RARA: variants seen among roughly 807,000 people sequenced by gnomAD.
RARA encodes retinoic acid receptor alpha, also known as PML-DDX5-RARA fusion.
RARA carries 5 observed loss-of-function variants against 42.8 expected under a neutral mutation model. The observed-to-expected ratio is 0.12, with a 90% confidence interval of 0.06 to 0.25. The LOEUF (loss-of-function observed/expected upper bound fraction) is 0.25. RARA is among the 10% of genes least tolerant of loss of function. The pLI, the probability that RARA is intolerant of heterozygous loss-of-function variation, is 1.00. For missense variants in RARA, 402 were observed against 628.7 expected (o/e 0.64, Z 3.86); for synonymous variants, 256 against 259.5 (o/e 0.99, Z 0.13).
intron 1 of RARA, among the ~76,000 whole-genome samples, chr17:40,314,723 G>A (rs1343595059): frequency 2.0e-5 from 3 of 152,062 alleles, no homozygotes; most frequent in African/African-American, 7.2e-5. Context: ...CACAGTCTTG[G>A]TGGTGACTAA....
At chr17:40,323,546 C>G (rs2033451141) in intron 1 of RARA, among the ~76,000 whole-genome samples, 1 of 152,022 alleles carries the variant, frequency 6.6e-6, no homozygotes, top group South Asian at 2.1e-4. Flanking sequence ...CCTGCACACA[C>G]AGCCTGCACC....
intron 1 of RARA, among the ~76,000 whole-genome samples, chr17:40,309,929 A>G (rs559844057): frequency 1.5e-4 from 23 of 152,042 alleles, no homozygotes; most frequent in Middle Eastern, 3.4e-3. Context: ...AAGCCCCCCG[A>G]CCCCACCTGT....
intron 2 of RARA, chr17:40,341,104 C>T (rs1029774201): frequency 2.5e-6 from 1 of 404,112 alleles, no homozygotes; most frequent in Non-Finnish European, 4.4e-6. Flanking sequence ...GGGGTATCCC[C>T]TCTTTCTAGG....
chr17:40,342,021 C>T (rs1486184905), intron 2 of RARA: 1 of 1,077,868 alleles, frequency 9.3e-7, no homozygotes, highest in South Asian at 4.4e-5. Flanking sequence ...CTCTCCCTCT[C>T]GGTTCCCTGC....
At chr17:40,341,740 AC>A (rs1017451419) in intron 2 of RARA, 5 of 1,282,964 alleles carry the variant, frequency 3.9e-6, no homozygotes, top group East Asian at 3.2e-5. Context: ...CACCGGGACC[AC>A]CCCCCTCTTC....
chr17:40,314,488 G>A (rs887514702), intron 1 of RARA, among the ~76,000 whole-genome samples: 2 of 151,850 alleles, frequency 1.3e-5, no homozygotes, highest in African/African-American at 4.8e-5. Context: ...GGTGAGTGAT[G>A]GGCAGGCTGC....
chr17:40,331,440 G>A (rs1420906444), intron 2 of RARA, 44 bp downstream of exon 2: 2 of 1,583,328 alleles, frequency 1.3e-6, no homozygotes, highest in African/African-American at 1.4e-5. Context: ...GACTGTGGAG[G>A]GTGGCAGGCC....
At chr17:40,314,448 GGA>G (rs1316992424) in intron 1 of RARA, among the ~76,000 whole-genome samples, 1 of 152,064 alleles carries the variant, frequency 6.6e-6, no homozygotes, top group Non-Finnish European at 1.5e-5. Context: ...TTGGGTGGCA[GGA>G]GGAGGTGGGG....
chr17:40,350,351 TG>T (rs893891597), intron 4 of RARA: 44 of 162,388 alleles, frequency 2.7e-4, no homozygotes, highest in Non-Finnish European at 4.3e-4. Context: ...TATGTGTGTA[TG>T]GGGGGGTGGA....
chr17:40,335,638 C>T (rs979371923), intron 2 of RARA, among the ~76,000 whole-genome samples: 12 of 150,906 alleles, frequency 8.0e-5, no homozygotes, highest in African/African-American at 2.9e-4. Flanking sequence ...TGCAGTAAAC[C>T]GAGATCATGC....
rs547773456 is a variant in RARA, at chr17:40,334,088, G to C, written c.178+2692G>C. ...TTGGAGGGTTGGAGGTGGGGGCTGG[G>C]GCCTGGCCCCATCCTTGCCCATCCT... On this transcript the variant is annotated intron_variant, in intron 2 of 8. Coordinates refer to ENST00000254066, the MANE Select transcript of RARA (RefSeq NM_000964.4). Among the ~76,000 whole-genome samples the C allele has an allele frequency of 1.9e-4, 29 of 152,296 alleles. 1 individual carries two copies. In the East Asian group the frequency reaches 4.8e-3, roughly 25 times the overall value.
intron 2 of RARA, chr17:40,341,537 T>C: frequency 6.9e-7 from 1 of 1,458,418 alleles, no homozygotes; most frequent in South Asian, 1.3e-5. Context: ...CCGGGGGAGG[T>C]GGCCCGGTTC....
chr17:40,335,568 T>A (rs1391943958), intron 2 of RARA, among the ~76,000 whole-genome samples: 1 of 152,090 alleles, frequency 6.6e-6, no homozygotes, highest in East Asian at 1.9e-4. Context: ...CACGTGTCTG[T>A]AATCCCAGCT....
intron 2 of RARA, chr17:40,342,581 A>C: frequency 7.2e-7 from 1 of 1,389,844 alleles, no homozygotes. Flanking sequence ...TGCCCGGGTC[A>C]CCAGTCGGGG....
intron 1 of RARA, among the ~76,000 whole-genome samples, chr17:40,323,653 G>A (rs1286027351): frequency 6.6e-6 from 1 of 151,116 alleles, no homozygotes; most frequent in Non-Finnish European, 1.5e-5. Context: ...TCCCTGTTCA[G>A]CTGGGGATGG....
rs1567751542 is a variant in RARA at position 40,331,369 on chromosome 17, A to G, written c.151A>G (p.Ser51Gly). ...LTTLQHQLPV[S>G]GYSTPSPATI... is the part of the protein sequence containing the mutation. ...CACTCTCCAGCACCAGCTTCCAGTT[A>G]GTGGATATAGCACACCATCCCCAGC... Residue 51 changes from serine to glycine, a missense_variant, in exon 2 of 9, where the codon AGT becomes GGT. By Grantham distance (56) the Ser-to-Gly change is moderately conservative. This residue lies in a region of RARA where 91 missense variants were observed against 105.2 expected (regional missense o/e 0.87). Coordinates refer to ENST00000254066, the MANE Select transcript of RARA (RefSeq NM_000964.4). 6.2e-7 allele frequency: 1 copy of G among 1,613,756 alleles called. No individual in the cohort carries two copies.
At chr17:40,314,348 T>G (rs567945121) in intron 1 of RARA, among the ~76,000 whole-genome samples, 1 of 151,878 alleles carries the variant, frequency 6.6e-6, no homozygotes, top group African/African-American at 2.4e-5. Context: ...TTTGAGTGCA[T>G]GTGTATATGA....
Position 40,351,400 on chromosome 17 carries a change from T to G in RARA, c.470-510T>G, listed in dbSNP as rs1388854334. The G allele has an allele frequency of 2.3e-6, 1 of 440,354 alleles. No individual in the cohort carries two copies. Among genetic ancestry groups the G allele is most frequent in the African/African-American group, 2.1e-5 (1 of 48,716 alleles). The allele number at this position is 440,354 out of a possible 1,614,324, so 27.3% of individuals were successfully genotyped here. A position where few individuals can be genotyped will look rare whatever the true frequency, so the allele number is the denominator to read the frequency against. ...CCTGGTGATTTGTCAGCTCCCCAGC[T>G]AATGGGCCAAGAGATTCTCCCCGCC... On this transcript the variant is annotated intron_variant, in intron 4 of 8. Coordinates refer to ENST00000254066, the MANE Select transcript of RARA (RefSeq NM_000964.4). This position sits in a 1 kb window ranked among gnomAD's most constrained non-coding sequence, Gnocchi z 4.1.
At chr17:40,328,885 GTCTT>G (rs1567750201) in intron 1 of RARA, among the ~76,000 whole-genome samples, 1 of 152,170 alleles carries the variant, frequency 6.6e-6, no homozygotes, top group African/African-American at 2.4e-5. Context: ...TCATGTATAA[GTCTT>G]TCTGTGGACT....
Sources: allele counts gnomAD v4.1 joint callset (sites outside exome capture counted in the v4.1 genomes callset), GRCh38; gene constraint gnomAD v4.1.1; regional missense constraint gnomAD v4.1.1; non-coding constraint Gnocchi (gnomAD v3.1); transcripts MANE v1.5; gene names NCBI Gene and HGNC (gene_info 2026-07-23, HGNC 2026-07-21).